Variants in ZBTB8A observed in about 807,000 individuals in gnomAD.
ZBTB8A encodes zinc finger and BTB domain containing 8A.
In ZBTB8A, 19 loss-of-function variants were observed where a neutral mutation model predicts 37.8. That is an observed-to-expected ratio of 0.50 (90% CI 0.35 to 0.74). The LOEUF is 0.74. Among genes scored for constraint, ZBTB8A ranks in the 30% least tolerant of loss-of-function variants. The pLI is 0.01. For synonymous variants in ZBTB8A, 181 were observed against 185.2 expected, an observed-to-expected ratio of 0.98 and a Z score of 0.19; for missense variants, 394 against 537.8, an observed-to-expected ratio of 0.73 and a Z score of 2.65.
chr1:32,552,751 A>G (rs533248222), intron 1 of ZBTB8A, among the ~76,000 whole-genome samples: 162 of 151,882 alleles, frequency 1.1e-3, no homozygotes, highest in Non-Finnish European at 2.0e-3. Flanking sequence ...ATAAACTTTA[A>G]TATTAAGATT....
At chr1:32,549,820 T>C (rs1026061902) in intron 1 of ZBTB8A, among the ~76,000 whole-genome samples, 1 of 152,204 alleles carries the variant, frequency 6.6e-6, no homozygotes, top group African/African-American at 2.4e-5. Flanking sequence ...GTCTTCACCA[T>C]GTTTGTCTTT....
At chr1:32,562,052 C>T (rs990488123) in intron 2 of ZBTB8A, among the ~76,000 whole-genome samples, 7 of 151,704 alleles carry the variant, frequency 4.6e-5, no homozygotes, top group African/African-American at 1.7e-4. Flanking sequence ...TGGGCTCACA[C>T]GAATCTCCTG....
In ZBTB8A at chr1:32,596,315, AG is replaced by A. The variant is rs200466177; in HGVS notation, c.993+1093del. ...AACCTGGGAGGCGGAGCTTGCAGTG[AG>A]CCGAGATTGCATCACTGCACTCCAG... On this transcript the variant is annotated intron_variant, in intron 4 of 4. Coordinates refer to ENST00000373510, the MANE Select transcript of ZBTB8A (RefSeq NM_001040441.3). Among the ~76,000 whole-genome samples, 830 of 150,672 alleles carry A rather than the reference AG, an allele frequency of 5.5e-3. 15 individuals carry two copies. In the East Asian group the frequency reaches 0.077, roughly 14 times the overall value.
At chr1:32,580,738 C>T (rs1644397078) in intron 2 of ZBTB8A, among the ~76,000 whole-genome samples, 1 of 152,020 alleles carries the variant, frequency 6.6e-6, no homozygotes, top group Admixed American at 6.6e-5. Flanking sequence ...GTTTCTGTTG[C>T]TATAACAGAA....
intron 1 of ZBTB8A, among the ~76,000 whole-genome samples, chr1:32,549,694 C>T (rs1184717292): frequency 6.6e-6 from 1 of 152,080 alleles, no homozygotes; most frequent in East Asian, 1.9e-4. Flanking sequence ...TGCACCACTG[C>T]ACTTCAGCAC....
Position 32,601,946 on chromosome 1 carries a change from TATTCACTTA to T in ZBTB8A, c.*1529_*1537del, listed in dbSNP as rs1644579165. 3.0e-6 allele frequency: 1 copy of T among 331,412 alleles called. No homozygotes were observed. 20.5% of individuals were successfully genotyped at this position (331,412 alleles called of 1,614,324 possible). A position where few individuals can be genotyped will look rare whatever the true frequency, so the allele number is the denominator to read the frequency against. On this transcript the variant is annotated 3_prime_UTR_variant, in exon 5 of 5. Coordinates refer to ENST00000373510, the MANE Select transcript of ZBTB8A (RefSeq NM_001040441.3). ...AAAGTATAAAACTATTTGAACAAAT[TATTCACTTA>T]AATATGTTGAACATTTTTGCTTCTC...
At chr1:32,563,602 A>T (rs576254806) in intron 2 of ZBTB8A, among the ~76,000 whole-genome samples, 218 of 152,156 alleles carry the variant, frequency 1.4e-3, no homozygotes, top group African/African-American at 5.1e-3. Flanking sequence ...AGCTGGTATT[A>T]CAGGCGCCCG....
chr1:32,593,342 TA>T lies in ZBTB8A; in HGVS notation c.414del (p.Asp139MetfsTer7). The T allele has an allele frequency of 6.2e-7, 1 of 1,614,208 alleles. No homozygotes were observed. On this transcript the variant is annotated frameshift_variant, in exon 3 of 5. Coordinates refer to ENST00000373510, the MANE Select transcript of ZBTB8A (RefSeq NM_001040441.3). LOFTEE classifies it high-confidence loss of function. ...AAGATCGCTATTTCAGTCTCTCAGATAAAGATGCCAATTCTAATGGTGTAGA... is the reference window on the plus strand; with the variant it reads ...AAGATCGCTATTTCAGTCTCTCAGATAAGATGCCAATTCTAATGGTGTAGA... The part of the protein sequence containing the change: ...EKDRYFSLSD[K>X]DANSNGVERS...
intron 4 of ZBTB8A, among the ~76,000 whole-genome samples, chr1:32,597,667 C>A (rs1644543415): frequency 6.6e-6 from 1 of 152,188 alleles, no homozygotes; most frequent in African/African-American, 2.4e-5. Flanking sequence ...TTAGAAGATA[C>A]ATATTTTGGA....
At chr1:32,583,700 G>A (rs1010309959) in intron 2 of ZBTB8A, among the ~76,000 whole-genome samples, 4 of 152,060 alleles carry the variant, frequency 2.6e-5, no homozygotes, top group African/African-American at 9.7e-5. Context: ...AGTATCACTG[G>A]TGTCCTTATG....
chr1:32,551,530 A>G (rs1644155797), intron 1 of ZBTB8A, among the ~76,000 whole-genome samples: 1 of 152,158 alleles, frequency 6.6e-6, no homozygotes, highest in Non-Finnish European at 1.5e-5. Context: ...CCTGACTAAC[A>G]TGGAGAAATA....
intron 2 of ZBTB8A, among the ~76,000 whole-genome samples, chr1:32,581,099 A>T (rs919922108): frequency 2.2e-4 from 16 of 73,644 alleles, no homozygotes; most frequent in African/African-American, 6.2e-4. Context: ...ATAATATATT[A>T]AATATATATA....
At chr1:32,590,094 T>C (rs1239152683) in intron 2 of ZBTB8A, among the ~76,000 whole-genome samples, 2 of 151,726 alleles carry the variant, frequency 1.3e-5, no homozygotes, top group Non-Finnish European at 2.9e-5. Flanking sequence ...TTTAACTTTA[T>C]TTATTATTTA....
chr1:32,574,975 G>A (rs186259855), intron 2 of ZBTB8A, among the ~76,000 whole-genome samples: 96 of 152,058 alleles, frequency 6.3e-4, no homozygotes, highest in Admixed American at 1.5e-3. Flanking sequence ...GTGTCTCTCT[G>A]TGTTGCCCAG....
rs138059223 is a variant in ZBTB8A, at chr1:32,595,160, T to C, written c.930T>C (p.Tyr310=). Residue 310 remains tyrosine (Y), a synonymous_variant, in exon 4 of 5, where the codon TAT becomes TAC. Coordinates refer to ENST00000373510, the MANE Select transcript of ZBTB8A (RefSeq NM_001040441.3). ...GTTGTCATACAGGAGAAAGGCCCTA[T>C]CCATGTCAAGCTTGTGGAAAAAGAT... ...HLRCHTGERP[Y]PCQACGKRFS... is the part of the protein sequence containing the mutation. 1 of 1,614,238 alleles carries C rather than the reference T, an allele frequency of 6.2e-7. No homozygotes were observed. Among genetic ancestry groups the C allele is most frequent in the Non-Finnish European group, 8.5e-7 (1 of 1,180,036 alleles).
At chr1:32,580,615 G>A (rs1462653575) in intron 2 of ZBTB8A, among the ~76,000 whole-genome samples, 1 of 152,186 alleles carries the variant, frequency 6.6e-6, no homozygotes, top group African/African-American at 2.4e-5. Context: ...CTGTCCTATG[G>A]TGTTGATGGA....
chr1:32,571,124 C>G (rs182945092), intron 2 of ZBTB8A, among the ~76,000 whole-genome samples: 44 of 152,322 alleles, frequency 2.9e-4, no homozygotes, highest in African/African-American at 1.0e-3. Flanking sequence ...GATCCACCCA[C>G]CCCAGCCTCC....
chr1:32,583,560 A>G (rs972766363), intron 2 of ZBTB8A, among the ~76,000 whole-genome samples: 2 of 152,082 alleles, frequency 1.3e-5, no homozygotes, highest in Non-Finnish European at 2.9e-5. Context: ...ATAGATTGTT[A>G]TGGGTTAAAT....
Position 32,600,486 on chromosome 1 carries a change from C to A in ZBTB8A, c.*67C>A. 8.2e-7 allele frequency: 1 copy of A among 1,225,920 alleles called. No homozygotes were observed. 75.9% of individuals were successfully genotyped at this position (1,225,920 alleles called of 1,614,324 possible). A position where few individuals can be genotyped will look rare whatever the true frequency, so the allele number is the denominator to read the frequency against. On this transcript the variant is annotated 3_prime_UTR_variant, in exon 5 of 5. Transcript: ENST00000373510. ...ATTGACTTCCTGTATCTCTCTCTTT[C>A]TATGGTCGGAGTCTAGTTAACAAAT...
Sources: allele counts gnomAD v4.1 joint callset (sites outside exome capture counted in the v4.1 genomes callset), GRCh38; gene constraint gnomAD v4.1.1; transcripts MANE v1.5; gene names NCBI Gene and HGNC (gene_info 2026-07-23, HGNC 2026-07-21).